The following TAFA2 variants were observed in gnomAD, a reference collection of about 807,000 sequenced individuals.
TAFA2 encodes the protein chemokine-like protein TAFA-2.
In TAFA2, 7 loss-of-function variants were observed where a neutral mutation model predicts 18.8. The observed-to-expected ratio is 0.37, with a 90% confidence interval of 0.21 to 0.70. The LOEUF (loss-of-function observed/expected upper bound fraction) is 0.70, where lower values mean the gene tolerates loss of function less well. Among genes scored for constraint, TAFA2 ranks in the 30% least tolerant of loss-of-function variants. TAFA2 has a pLI of 0.53. For missense variants in TAFA2, 122 were observed against 158.1 expected (o/e 0.77, Z 1.23); for synonymous variants, 60 against 54.2 (o/e 1.11, Z -0.47).
At chr12:61,718,210 C>T (rs964726359) in intron 4 of TAFA2, among the ~76,000 whole-genome samples, 2 of 152,120 alleles carry the variant, frequency 1.3e-5, no homozygotes, top group Admixed American at 1.3e-4. Context: ...TTTCTTGGAA[C>T]TTTGAAAGCT....
chr12:61,767,990 A>C (rs1869861727), intron 2 of TAFA2, among the ~76,000 whole-genome samples: 1 of 152,254 alleles, frequency 6.6e-6, no homozygotes, highest in South Asian at 2.1e-4. Context: ...GTAAAAATGT[A>C]TTAGGAGAAC....
At chr12:62,223,609 G>T (rs1056583577) in intron 1 of TAFA2, among the ~76,000 whole-genome samples, 2 of 152,208 alleles carry the variant, frequency 1.3e-5, no homozygotes, top group East Asian at 1.9e-4. Context: ...AGACCTAAAT[G>T]CAAGTGCTAA....
chr12:62,116,324 C>T lies in TAFA2; in HGVS notation c.-2+74935G>A, dbSNP rs142693993. The stretch of plus-strand genomic sequence containing the variant: ...GCCTGTGTGAGAGCCAGGGAGAAAA[C>T]ACAGTAAGACCTTGTGGACAGAGAA... On this transcript the variant is annotated intron_variant, in intron 1 of 4. Transcript: ENST00000416284. Among the ~76,000 whole-genome samples, 465 of 152,246 alleles carry T rather than the reference C, an allele frequency of 3.1e-3. 2 individuals are homozygous for T. The highest frequency in any genetic ancestry group is 5.4e-3 in the South Asian group (26 of 4,828).
intron 1 of TAFA2, among the ~76,000 whole-genome samples, chr12:62,180,069 C>T (rs2062541667): frequency 6.6e-6 from 1 of 152,196 alleles, no homozygotes; most frequent in African/African-American, 2.4e-5. Flanking sequence ...ATAGCTCACC[C>T]AGTTTTCCTA....
At chr12:61,818,474 C>T (rs1210422406) in intron 2 of TAFA2, among the ~76,000 whole-genome samples, 1 of 145,946 alleles carries the variant, frequency 6.9e-6, no homozygotes, top group Non-Finnish European at 1.5e-5. Context: ...CAGATCGAGA[C>T]CCTGTCTCAA....
intron 1 of TAFA2, among the ~76,000 whole-genome samples, chr12:62,217,966 G>GTATGTATT (rs1158472694): frequency 5.3e-4 from 67 of 127,566 alleles, no homozygotes; most frequent in South Asian, 2.2e-3. Flanking sequence ...TTTTATGTAT[G>GTATGTATT]TATTTATTTA....
At chr12:61,929,598 G>A (rs1039873268) in intron 1 of TAFA2, among the ~76,000 whole-genome samples, 4 of 151,780 alleles carry the variant, frequency 2.6e-5, no homozygotes, top group Admixed American at 6.6e-5. Flanking sequence ...TCGATGTGGC[G>A]ATTCCTCAGG....
intron 1 of TAFA2, among the ~76,000 whole-genome samples, chr12:61,997,053 G>T (rs749501688): frequency 6.6e-6 from 1 of 151,846 alleles, no homozygotes; most frequent in Non-Finnish European, 1.5e-5. Context: ...ACCCTTTCTG[G>T]AGGTTGTATT....
chr12:62,132,469 A>G (rs1350151846), intron 1 of TAFA2, among the ~76,000 whole-genome samples: 1 of 151,966 alleles, frequency 6.6e-6, no homozygotes, highest in Non-Finnish European at 1.5e-5. Flanking sequence ...ACTAAATGCA[A>G]TAGTCCAATT....
At chr12:62,249,452 T>G (rs866349998) in intron 1 of TAFA2, among the ~76,000 whole-genome samples, 1 of 152,248 alleles carries the variant, frequency 6.6e-6, no homozygotes, top group Middle Eastern at 3.4e-3. Flanking sequence ...ATGAGTAAGT[T>G]CTTACTCTAT....
At chr12:61,726,201 T>C (rs1870159367) in intron 4 of TAFA2, among the ~76,000 whole-genome samples, 2 of 152,106 alleles carry the variant, frequency 1.3e-5, no homozygotes, top group South Asian at 4.1e-4. Flanking sequence ...CTATATGTTT[T>C]ATCTCTAATT....
At chr12:61,871,862 G>A (rs1337547975) in intron 1 of TAFA2, among the ~76,000 whole-genome samples, 8 of 152,174 alleles carry the variant, frequency 5.3e-5, no homozygotes, top group African/African-American at 1.9e-4. Context: ...GGAGGCCGAG[G>A]TGGGTGGATC....
intron 1 of TAFA2, among the ~76,000 whole-genome samples, chr12:62,064,150 C>T (rs1236677810): frequency 2.6e-5 from 4 of 151,912 alleles, no homozygotes; most frequent in East Asian, 3.8e-4. Flanking sequence ...CAAATGACAG[C>T]GCTGGAATTT....
intron 1 of TAFA2, among the ~76,000 whole-genome samples, chr12:62,206,485 A>G (rs987630561): frequency 2.0e-5 from 3 of 152,212 alleles, no homozygotes; most frequent in Admixed American, 6.5e-5. Context: ...ATTGAAATCT[A>G]TCAACCTTAT....
rs376584120 is a variant in TAFA2, at chr12:62,191,712, A to G, written c.-455T>C. 6.6e-6 allele frequency: 1 copy of G among 152,320 alleles called. No individual in the cohort carries two copies. Among genetic ancestry groups the G allele is most frequent in the East Asian group, 1.9e-4 (1 of 5,156 alleles). The allele number at this position is 152,320 out of a possible 1,614,324, so 9.4% of individuals were successfully genotyped here. A position where few individuals can be genotyped will look rare whatever the true frequency, so the allele number is the denominator to read the frequency against. On this transcript the variant is annotated 5_prime_UTR_variant, in exon 1 of 5. Transcript: ENST00000416284. ...GGTGCGCTCAGCTCCCTGGACTGCA[A>G]GAATCAAGGCGGTCTTGCTGCAATT... is the stretch of plus-strand genomic sequence containing the variant.
At chr12:62,178,973 CAG>C (rs1417632456) in intron 1 of TAFA2, among the ~76,000 whole-genome samples, 1 of 152,182 alleles carries the variant, frequency 6.6e-6, no homozygotes, top group Non-Finnish European at 1.5e-5. Flanking sequence ...CTTTCTCTAT[CAG>C]AGTTTCCTTA....
At chr12:62,222,540 C>T (rs1344924627) in intron 1 of TAFA2, among the ~76,000 whole-genome samples, 1 of 151,964 alleles carries the variant, frequency 6.6e-6, no homozygotes, top group Non-Finnish European at 1.5e-5. Flanking sequence ...CGGAGTCTTG[C>T]TCTGTCGCCC....
intron 1 of TAFA2, among the ~76,000 whole-genome samples, chr12:62,092,779 T>C (rs1477403195): frequency 3.3e-5 from 5 of 152,040 alleles, no homozygotes. Flanking sequence ...TGATATGATT[T>C]TTTTAACATA....
chr12:61,953,150 C>T (rs1878527669), intron 1 of TAFA2, among the ~76,000 whole-genome samples: 1 of 151,946 alleles, frequency 6.6e-6, no homozygotes. Flanking sequence ...AGTCATTGAG[C>T]CAGTTCAGTG....
Sources: gnomAD v4.1 joint callset for allele counts (sites outside exome capture counted in the v4.1 genomes callset) on GRCh38, gnomAD v4.1.1 for gene constraint, MANE v1.5 for transcripts, NCBI Gene and HGNC (gene_info 2026-07-23, HGNC 2026-07-21) for gene names.